Variants in CSMD3 observed in about 807,000 individuals in gnomAD.
CSMD3 encodes the protein CUB and Sushi multiple domains 3, also known as CUB and sushi domain-containing protein 3.
A neutral mutation model predicts 435.2 loss-of-function variants in CSMD3; 177 were observed. The observed-to-expected ratio is 0.41, with a 90% CI of 0.36 to 0.46. The LOEUF (loss-of-function observed/expected upper bound fraction) is 0.46. Among genes scored for constraint, CSMD3 ranks in the 20% least tolerant of loss-of-function variants. The pLI is 0.34. For synonymous variants in CSMD3, 1,656 were observed against 1,520.5 expected (o/e 1.09, Z -2.07); for missense variants, 4,265 against 4,504.6 (o/e 0.95, Z 1.52).
chr8:112,318,268 C>T (rs1822662739), intron 47 of CSMD3, among the ~76,000 whole-genome samples: 1 of 152,034 alleles, frequency 6.6e-6, no homozygotes, highest in South Asian at 2.1e-4. Flanking sequence ...TACCCCACAA[C>T]CGGTTAAAAA....
rs1021927870 is a variant in CSMD3 at position 112,388,953 on chromosome 8, C to T, written c.5934+1711G>A. On this transcript the variant is annotated intron_variant, in intron 36 of 70. Coordinates refer to ENST00000297405, the MANE Select transcript of CSMD3 (RefSeq NM_198123.2). ...GTAGTAGATATAGAAGTAGGAGCTA[C>T]AGATGTAGAAGAGAAAACAAAACAA... Among the ~76,000 whole-genome samples, 7 of 151,964 alleles carry T rather than the reference C, an allele frequency of 4.6e-5. 1 individual carries two copies. The highest frequency in any genetic ancestry group is 3.9e-4 in the Admixed American group (6 of 15,252).
chr8:113,166,302 C>G (rs2092148153), intron 4 of CSMD3, among the ~76,000 whole-genome samples: 3 of 151,986 alleles, frequency 2.0e-5, no homozygotes, highest in African/African-American at 7.2e-5. Flanking sequence ...GTCAGGAGTT[C>G]AAGGCCAGGC....
chr8:112,859,022 G>GCCAA, intron 11 of CSMD3, 123 bp downstream of exon 11: 2 of 831,364 alleles, frequency 2.4e-6, no homozygotes, highest in Admixed American at 2.1e-5. Flanking sequence ...GTTAAGTAGG[G>GCCAA]AATATTGCGC....
intron 67 of CSMD3, 27 bp from the exon 68 acceptor site, chr8:112,234,504 T>G (rs771858051): frequency 1.8e-5 from 22 of 1,239,978 alleles, no homozygotes; most frequent in Admixed American, 3.4e-5. Context: ...CATTTTAGTC[T>G]ACTTAACTTT....
Position 113,010,953 on chromosome 8 carries a change from T to G in CSMD3, c.1030+8114A>C, listed in dbSNP as rs530968136. On this transcript the variant is annotated intron_variant, in intron 6 of 70. Transcript: ENST00000297405. The stretch of plus-strand genomic sequence containing the variant: ...GTGACGATTTATTAAGTACACTCTT[T>G]TTTTCTTTATACTTTCCTGCTGTAC... Among the ~76,000 whole-genome samples, 14 of 151,746 alleles carry G rather than the reference T, an allele frequency of 9.2e-5. No homozygotes were observed. The East Asian group carries it at 2.7e-3, about 29-fold the overall frequency.
intron 10 of CSMD3, among the ~76,000 whole-genome samples, chr8:112,905,715 TG>T (rs1216536942): frequency 6.6e-6 from 1 of 151,466 alleles, no homozygotes; most frequent in African/African-American, 2.4e-5. Flanking sequence ...CTTTGGGAAC[TG>T]GGGCTCAGCA....
intron 5 of CSMD3, among the ~76,000 whole-genome samples, chr8:113,036,554 A>C (rs2087360337): frequency 6.6e-6 from 1 of 152,048 alleles, no homozygotes; most frequent in Non-Finnish European, 1.5e-5. Flanking sequence ...TAAAATTTTA[A>C]AGATAATTAC....
intron 22 of CSMD3, among the ~76,000 whole-genome samples, chr8:112,594,621 A>G (rs1329892820): frequency 6.6e-6 from 1 of 152,192 alleles, no homozygotes; most frequent in Non-Finnish European, 1.5e-5. Context: ...CCCGTCTGAC[A>G]GCTTTGAAGA....
chr8:112,706,637 G>A (rs528391459), intron 13 of CSMD3, among the ~76,000 whole-genome samples: 1 of 152,068 alleles, frequency 6.6e-6, no homozygotes, highest in African/African-American at 2.4e-5. Flanking sequence ...GATGCAGGGA[G>A]GGTTAGGTAA....
chr8:113,299,226 G>T (rs1202202323), intron 2 of CSMD3, among the ~76,000 whole-genome samples: 1 of 152,088 alleles, frequency 6.6e-6, no homozygotes, highest in Admixed American at 6.6e-5. Flanking sequence ...TGCATTCTTA[G>T]TAATATCTTA....
At chr8:112,356,774 C>G (rs545947218) in intron 38 of CSMD3, among the ~76,000 whole-genome samples, 22 of 152,210 alleles carry the variant, frequency 1.4e-4, no homozygotes, top group Admixed American at 1.4e-3. Context: ...CACGAGCTCT[C>G]TCTCTTTGAC....
intron 3 of CSMD3, among the ~76,000 whole-genome samples, chr8:113,245,668 A>C (rs554184454): frequency 6.6e-6 from 1 of 152,102 alleles, no homozygotes; most frequent in Non-Finnish European, 1.5e-5. Context: ...TTACAAGTTA[A>C]ATTACATTTA....
intron 22 of CSMD3, among the ~76,000 whole-genome samples, chr8:112,622,736 G>A (rs1377943760): frequency 6.6e-6 from 1 of 152,084 alleles, no homozygotes; most frequent in Non-Finnish European, 1.5e-5. Context: ...CAACTTCTGT[G>A]TATCTCATTG....
intron 11 of CSMD3, among the ~76,000 whole-genome samples, chr8:112,846,736 T>G (rs1024759499): frequency 2.6e-5 from 4 of 151,950 alleles, no homozygotes; most frequent in Non-Finnish European, 4.4e-5. Flanking sequence ...TTTATTTATT[T>G]ATATTTATTG....
chr8:112,920,995 G>GCA lies in CSMD3; in HGVS notation c.1633+631_1633+632insTG, dbSNP rs1241851555. ...TATATATGTACACACATACGCGCGC[G>GCA]CGCACACACACACACACACACACAC... On this transcript the variant is annotated intron_variant, in intron 10 of 70. Transcript: ENST00000297405. Among the ~76,000 whole-genome samples, 282 of 108,920 alleles carry GCA rather than the reference G, an allele frequency of 2.6e-3. 1 individual carries two copies. The highest frequency in any genetic ancestry group is 4.6e-3 in the African/African-American group (121 of 26,438). 71.5% of individuals were successfully genotyped at this position (108,920 alleles called of 152,430 possible).
intron 5 of CSMD3, among the ~76,000 whole-genome samples, chr8:113,023,449 G>A (rs925821172): frequency 8.6e-5 from 13 of 151,648 alleles, no homozygotes; most frequent in African/African-American, 3.2e-4. Context: ...TCACTCTCTT[G>A]CTTTTAAACC....
chr8:112,346,996 T>A (rs1199122716), intron 40 of CSMD3, among the ~76,000 whole-genome samples: 2 of 152,088 alleles, frequency 1.3e-5, no homozygotes, highest in African/African-American at 4.8e-5. Flanking sequence ...AAATATTGGT[T>A]TCCATTCATA....
At chr8:112,358,241 T>C (rs1826832670) in intron 38 of CSMD3, among the ~76,000 whole-genome samples, 1 of 152,228 alleles carries the variant, frequency 6.6e-6, no homozygotes, top group Non-Finnish European at 1.5e-5. Flanking sequence ...ACCCAATGCC[T>C]GTACCCCCAC....
chr8:112,292,983 C>T (rs965474467), intron 54 of CSMD3, among the ~76,000 whole-genome samples: 6 of 151,988 alleles, frequency 3.9e-5, no homozygotes, highest in South Asian at 2.1e-4. Flanking sequence ...TAAAGTTTCA[C>T]GGTACCTATT....
Sources: gnomAD v4.1 joint callset for allele counts (sites outside exome capture counted in the v4.1 genomes callset) on GRCh38, gnomAD v4.1.1 for gene constraint, MANE v1.5 for transcripts, NCBI Gene and HGNC (gene_info 2026-07-23, HGNC 2026-07-21) for gene names.